Variants in NSMCE2 observed in about 807,000 individuals in gnomAD.
NSMCE2 encodes NSE2 SUMO ligase component of SMC5/6 complex, also known as E3 SUMO-protein ligase NSE2.
A neutral mutation model predicts 23.8 loss-of-function variants in NSMCE2; 24 were observed. That is an observed-to-expected ratio of 1.01 (90% CI 0.73 to 1.42). The LOEUF is 1.42. NSMCE2 is among the 40% of genes most tolerant of loss of function. The pLI is 0.00. For synonymous variants in NSMCE2, 92 were observed against 94.1 expected (o/e 0.98, Z 0.13); for missense variants, 284 against 296.5 (o/e 0.96, Z 0.31).
At chr8:125,230,236 C>T (rs1326358962) in intron 5 of NSMCE2, among the ~76,000 whole-genome samples, 1 of 152,148 alleles carries the variant, frequency 6.6e-6, no homozygotes, top group Non-Finnish European at 1.5e-5. Context: ...TCATGCTTTT[C>T]AGTAACTTTT....
chr8:125,281,240 G>T (rs1268213910), intron 5 of NSMCE2, among the ~76,000 whole-genome samples: 3 of 152,210 alleles, frequency 2.0e-5, no homozygotes, highest in Non-Finnish European at 4.4e-5. Flanking sequence ...CCATTAAAAG[G>T]ATGTTGGCCC....
At chr8:125,164,884 A>G (rs1261305313) in intron 4 of NSMCE2, among the ~76,000 whole-genome samples, 1 of 152,240 alleles carries the variant, frequency 6.6e-6, no homozygotes. Flanking sequence ...GGCAGTATTC[A>G]GTTATCTCCG....
intron 3 of NSMCE2, 62 bp from the exon 4 acceptor site, chr8:125,151,109 A>G (rs1820997045): frequency 1.2e-6 from 1 of 829,640 alleles, no homozygotes; most frequent in Non-Finnish European, 2.0e-6. Context: ...GTATTGATGC[A>G]ACTTTTTCCA....
At chr8:125,310,960 G>GA (rs1462168908) in intron 5 of NSMCE2, among the ~76,000 whole-genome samples, 1 of 152,334 alleles carries the variant, frequency 6.6e-6, no homozygotes, top group Middle Eastern at 3.4e-3. Context: ...TCGCAAGGGG[G>GA]AAAACCCAGT....
chr8:125,362,147 G>T (rs948264003), intron 7 of NSMCE2, among the ~76,000 whole-genome samples: 2 of 152,234 alleles, frequency 1.3e-5, no homozygotes, highest in Admixed American at 6.5e-5. Context: ...CGATGATGCG[G>T]CAGCTGAAGA....
At chr8:125,155,865 C>A in intron 4 of NSMCE2, 1 of 416,570 alleles carries the variant, frequency 2.4e-6, no homozygotes, top group East Asian at 8.4e-5. Flanking sequence ...TGGGGGTAGT[C>A]CTTGCAATGT....
At chr8:125,307,320 C>T (rs549260142) in intron 5 of NSMCE2, among the ~76,000 whole-genome samples, 2 of 152,182 alleles carry the variant, frequency 1.3e-5, no homozygotes, top group Non-Finnish European at 2.9e-5. Flanking sequence ...TGGTGTATGG[C>T]GAGATGCCTA....
chr8:125,314,213 A>G (rs549773153), intron 5 of NSMCE2, among the ~76,000 whole-genome samples: 1 of 152,386 alleles, frequency 6.6e-6, no homozygotes, highest in East Asian at 1.9e-4. Flanking sequence ...TGCAAATCCC[A>G]TAAATCAGTA....
intron 5 of NSMCE2, among the ~76,000 whole-genome samples, chr8:125,237,536 C>CA (rs1200931072): frequency 6.6e-6 from 1 of 152,204 alleles, no homozygotes; most frequent in African/African-American, 2.4e-5. Flanking sequence ...GCTGTGCTTC[C>CA]ACACACACCA....
At chr8:125,108,421 G>A (rs1818574082) in intron 3 of NSMCE2, among the ~76,000 whole-genome samples, 1 of 152,216 alleles carries the variant, frequency 6.6e-6, no homozygotes, top group African/African-American at 2.4e-5. Context: ...CTGATACTAA[G>A]GCAGCCAGTA....
At chr8:125,141,960 G>C (rs1258061910) in intron 3 of NSMCE2, among the ~76,000 whole-genome samples, 3 of 152,090 alleles carry the variant, frequency 2.0e-5, no homozygotes, top group African/African-American at 2.4e-5. Context: ...TGTTTACAGT[G>C]CTTCTTATGG....
At chr8:125,160,956 C>T (rs571616059) in intron 4 of NSMCE2, among the ~76,000 whole-genome samples, 1 of 152,346 alleles carries the variant, frequency 6.6e-6, no homozygotes, top group East Asian at 1.9e-4. Flanking sequence ...TGATGTATCA[C>T]ATGCAGGTTG....
intron 5 of NSMCE2, among the ~76,000 whole-genome samples, chr8:125,210,393 A>G (rs1824278985): frequency 6.6e-6 from 1 of 152,188 alleles, no homozygotes; most frequent in Non-Finnish European, 1.5e-5. Context: ...ATTTTCCTGA[A>G]AGAGAGAGCT....
At chr8:125,363,544 G>GAA (rs1281948179) in intron 7 of NSMCE2, among the ~76,000 whole-genome samples, 29 of 122,412 alleles carry the variant, frequency 2.4e-4, no homozygotes, top group African/African-American at 8.9e-4. Flanking sequence ...AAGAAAGAAA[G>GAA]AGAGAGAGAG....
chr8:125,277,349 G>A lies in NSMCE2; in HGVS notation c.419-79870G>A, dbSNP rs1006981846. On this transcript the variant is annotated intron_variant, in intron 5 of 7. Transcript: ENST00000287437. The stretch of plus-strand genomic sequence containing the variant: ...GAAGTCAAGGCCATGATATTCATTA[G>A]GCACTAGAGGCACAATGACTAAATA... Among the ~76,000 whole-genome samples, 3 of 152,066 alleles carry A rather than the reference G, an allele frequency of 2.0e-5. No homozygotes were observed. In the East Asian group the frequency reaches 5.8e-4, roughly 29 times the overall value.
intron 5 of NSMCE2, among the ~76,000 whole-genome samples, chr8:125,263,472 G>A (rs778863532): frequency 5.9e-5 from 9 of 152,154 alleles, no homozygotes; most frequent in Non-Finnish European, 1.0e-4. Flanking sequence ...TAAGAGGGCT[G>A]GGCGTGGTGG....
At chr8:125,331,328 T>G (rs1283558429) in intron 5 of NSMCE2, among the ~76,000 whole-genome samples, 1 of 152,068 alleles carries the variant, frequency 6.6e-6, no homozygotes, top group Non-Finnish European at 1.5e-5. Flanking sequence ...ATAGTAATAA[T>G]TTTAAAAAAA....
At chr8:125,134,783 A>G (rs952228676) in intron 3 of NSMCE2, among the ~76,000 whole-genome samples, 1 of 144,564 alleles carries the variant, frequency 6.9e-6, no homozygotes, top group African/African-American at 2.6e-5. Flanking sequence ...GCTGGAGTAC[A>G]GTGGCATGAT....
intron 5 of NSMCE2, among the ~76,000 whole-genome samples, chr8:125,282,050 T>C (rs1827716542): frequency 6.6e-6 from 1 of 152,106 alleles, no homozygotes; most frequent in Admixed American, 6.6e-5. Flanking sequence ...ATACCCTGTG[T>C]AGTGTTGCAT....
Sources: allele counts gnomAD v4.1 joint callset (sites outside exome capture counted in the v4.1 genomes callset), GRCh38; gene constraint gnomAD v4.1.1; transcripts MANE v1.5; gene names NCBI Gene and HGNC (gene_info 2026-07-23, HGNC 2026-07-21).